The following KCND2 variants were observed in gnomAD, a reference collection of about 807,000 sequenced individuals.
KCND2 encodes the protein A-type voltage-gated potassium channel KCND2.
Under a neutral mutation model 54.4 loss-of-function variants are expected in KCND2, and 16 were observed. That is an observed-to-expected ratio of 0.29 (90% confidence interval 0.20 to 0.45). KCND2 has a LOEUF of 0.45. Among genes scored for constraint, KCND2 ranks in the 20% least tolerant of loss-of-function variants. KCND2 has a pLI of 1.00. For synonymous variants in KCND2, 317 were observed against 310.7 expected (o/e 1.02, Z -0.21); for missense variants, 486 against 824.2 (o/e 0.59, Z 5.02).
At chr7:120,562,123 A>G (rs1304518631) in intron 1 of KCND2, among the ~76,000 whole-genome samples, 1 of 152,184 alleles carries the variant, frequency 6.6e-6, no homozygotes, top group Non-Finnish European at 1.5e-5. Context: ...TTTGAAAGTT[A>G]TAAGCGCAAG....
intron 1 of KCND2, among the ~76,000 whole-genome samples, chr7:120,505,738 CTCAGAG>C (rs1299757204): frequency 6.6e-6 from 1 of 151,630 alleles, no homozygotes; most frequent in Non-Finnish European, 1.5e-5. Flanking sequence ...GAATTCTGGA[CTCAGAG>C]TCAGTGCAAC....
intron 1 of KCND2, among the ~76,000 whole-genome samples, chr7:120,625,060 G>A (rs559986519): frequency 3.9e-4 from 59 of 152,180 alleles, no homozygotes; most frequent in Middle Eastern, 6.8e-3. Flanking sequence ...ATTCATTGCC[G>A]AAGGGAAACT....
chr7:120,506,132 T>G (rs1183453034), intron 1 of KCND2, among the ~76,000 whole-genome samples: 1 of 151,744 alleles, frequency 6.6e-6, no homozygotes, highest in Admixed American at 6.6e-5. Flanking sequence ...TTGAAATTTT[T>G]TTTTCTTCTA....
At chr7:120,526,916 T>C (rs1791783653) in intron 1 of KCND2, among the ~76,000 whole-genome samples, 1 of 152,138 alleles carries the variant, frequency 6.6e-6, no homozygotes, top group Non-Finnish European at 1.5e-5. Context: ...GATAAGGTAA[T>C]ATGACTTCCT....
At chr7:120,622,689 A>ACTCTCTCT (rs751909741) in intron 1 of KCND2, among the ~76,000 whole-genome samples, 1 of 125,946 alleles carries the variant, frequency 7.9e-6, no homozygotes, top group African/African-American at 3.2e-5. Flanking sequence ...ACACACACAC[A>ACTCTCTCT]CTCTCTCTCT....
At chr7:120,529,081 T>TGAAGGTA (rs1353608478) in intron 1 of KCND2, among the ~76,000 whole-genome samples, 1 of 152,192 alleles carries the variant, frequency 6.6e-6, no homozygotes, top group African/African-American at 2.4e-5. Flanking sequence ...GTAACTCTGA[T>TGAAGGTA]GAAGGTAGAA....
chr7:120,486,397 A>G (rs948092462), intron 1 of KCND2, among the ~76,000 whole-genome samples: 5 of 152,156 alleles, frequency 3.3e-5, no homozygotes, highest in Non-Finnish European at 7.4e-5. Flanking sequence ...CAAACCTTAG[A>G]AAAACTCAGG....
intron 1 of KCND2, among the ~76,000 whole-genome samples, chr7:120,380,467 T>C (rs1401426143): frequency 6.6e-6 from 1 of 151,928 alleles, no homozygotes; most frequent in Non-Finnish European, 1.5e-5. Context: ...CAGCACAAAT[T>C]CCAAAGTAGT....
Position 120,549,075 on chromosome 7 carries a change from T to C in KCND2, c.1116-183828T>C, listed in dbSNP as rs991695125. On this transcript the variant is annotated intron_variant, in intron 1 of 5. Coordinates refer to ENST00000331113, the MANE Select transcript of KCND2 (RefSeq NM_012281.3). ...ATTGAATCTTAACAAGATTGGTATC[T>C]GAGTGAAACTGACCCCACATCCATT... 2.6e-5 allele frequency among the ~76,000 whole-genome samples: 4 copies of C among 152,084 alleles called. No individual in the cohort carries two copies. In the South Asian group the frequency reaches 8.3e-4, roughly 31 times the overall value.
intron 1 of KCND2, among the ~76,000 whole-genome samples, chr7:120,439,084 G>A (rs898022107): frequency 6.6e-6 from 1 of 152,016 alleles, no homozygotes; most frequent in Non-Finnish European, 1.5e-5. Context: ...AGAAGACTAA[G>A]CCTGTGCTTT....
intron 1 of KCND2, among the ~76,000 whole-genome samples, chr7:120,680,608 T>C (rs1363909820): frequency 6.6e-6 from 1 of 152,156 alleles, no homozygotes; most frequent in Non-Finnish European, 1.5e-5. Flanking sequence ...ATTGTTCCTC[T>C]GGCCTACCAT....
chr7:120,533,025 T>C (rs1465798943), intron 1 of KCND2, among the ~76,000 whole-genome samples: 2 of 152,140 alleles, frequency 1.3e-5, no homozygotes, highest in African/African-American at 2.4e-5. Flanking sequence ...CTTTTACTTC[T>C]CTGTAGTTAA....
chr7:120,515,518 A>G (rs1396267619), intron 1 of KCND2, among the ~76,000 whole-genome samples: 1 of 152,118 alleles, frequency 6.6e-6, no homozygotes, highest in African/African-American at 2.4e-5. Flanking sequence ...GAGAACAGAA[A>G]GAAAAGATTG....
chr7:120,276,898 C>T (rs1799184917), intron 1 of KCND2, among the ~76,000 whole-genome samples: 2 of 152,114 alleles, frequency 1.3e-5, no homozygotes, highest in South Asian at 4.1e-4. Context: ...CTTTGTGCTA[C>T]TATTCTTGCA....
At chr7:120,554,415 T>A (rs545735006) in intron 1 of KCND2, among the ~76,000 whole-genome samples, 15 of 151,716 alleles carry the variant, frequency 9.9e-5, no homozygotes, top group African/African-American at 3.4e-4. Flanking sequence ...TTTTTTAATT[T>A]ATTTTTTTTT....
intron 1 of KCND2, among the ~76,000 whole-genome samples, chr7:120,386,169 T>C (rs2116039706): frequency 6.6e-6 from 1 of 152,256 alleles, no homozygotes; most frequent in African/African-American, 2.4e-5. Flanking sequence ...CAGGAGTCAT[T>C]GTACTTGGAT....
chr7:120,425,718 A>G (rs1479220843), intron 1 of KCND2, among the ~76,000 whole-genome samples: 2 of 152,230 alleles, frequency 1.3e-5, no homozygotes, highest in Non-Finnish European at 2.9e-5. Flanking sequence ...AGACTGCACC[A>G]TTCGTTGAAG....
chr7:120,503,153 A>G (rs1417278323), intron 1 of KCND2, among the ~76,000 whole-genome samples: 1 of 152,064 alleles, frequency 6.6e-6, no homozygotes, highest in East Asian at 1.9e-4. Flanking sequence ...TCTTTTGCAA[A>G]CATCCTAAAA....
At chr7:120,708,570 A>G (rs1435107395) in intron 1 of KCND2, among the ~76,000 whole-genome samples, 1 of 152,168 alleles carries the variant, frequency 6.6e-6, no homozygotes, top group Non-Finnish European at 1.5e-5. Context: ...TTCACTTTTT[A>G]CTATTTCCAG....
Sources: allele counts gnomAD v4.1 joint callset (sites outside exome capture counted in the v4.1 genomes callset), GRCh38; gene constraint gnomAD v4.1.1; transcripts MANE v1.5; gene names NCBI Gene and HGNC (gene_info 2026-07-23, HGNC 2026-07-21).